WHR1: variants seen among roughly 807,000 people sequenced by gnomAD.
WHR1 encodes the protein MHC class III HLA-RP1.
the WHR1 span, among the ~76,000 whole-genome samples, chr6:31,977,453 C>T: frequency 2.6e-5 from 4 of 151,154 alleles, no homozygotes; most frequent in African/African-American, 9.7e-5. Context: ...CCCATTCTCC[C>T]GCCTCAGCCT....
At chr6:31,973,852 C>T in the WHR1 span, among the ~76,000 whole-genome samples, 3,110 of 152,156 alleles carry the variant, frequency 0.02, 91 homozygotes, top group East Asian at 0.11. Context: ...TCTCTTGGGG[C>T]GGGATTTGGG....
At chr6:31,971,370 C>A in the WHR1 span, 1 of 1,569,112 alleles carries the variant, frequency 6.4e-7, no homozygotes, top group South Asian at 1.2e-5. The surrounding 1 kb of genome is among the most constrained non-coding windows in gnomAD (Gnocchi z 4.5). Context: ...GGTGGTCCAG[C>A]CTTTCCTGGA....
At chr6:31,976,091 C>G in the WHR1 span, among the ~76,000 whole-genome samples, 7 of 143,008 alleles carry the variant, frequency 4.9e-5, no homozygotes, top group East Asian at 1.5e-3. Context: ...GGGGGGCTGA[C>G]CCCCCACCTC....
the WHR1 span, chr6:31,979,107 C>A: frequency 1.7e-6 from 2 of 1,154,538 alleles, no homozygotes; most frequent in Non-Finnish European, 2.5e-6. Flanking sequence ...CCTGCCCCCA[C>A]ATCCCATGGA....
the WHR1 span, among the ~76,000 whole-genome samples, chr6:31,977,847 G>T: frequency 6.6e-6 from 1 of 151,928 alleles, no homozygotes; most frequent in East Asian, 2.0e-4. Context: ...AGGCTGGAGC[G>T]CAGTGGCATG....
the WHR1 span, among the ~76,000 whole-genome samples, chr6:31,977,073 T>A: frequency 1.3e-5 from 2 of 152,250 alleles, no homozygotes; most frequent in East Asian, 3.8e-4. Flanking sequence ...TTGGGGTTTG[T>A]TTTTATTCTC....
At chr6:31,979,033 A>G in the WHR1 span, 1 of 1,596,946 alleles carries the variant, frequency 6.3e-7, no homozygotes, top group Non-Finnish European at 8.6e-7. Context: ...TGCTGGGGGG[A>G]GGGCACAGGT....
At chr6:31,980,694 C>T in the WHR1 span, 1 of 1,607,464 alleles carries the variant, frequency 6.2e-7, no homozygotes, top group Non-Finnish European at 8.5e-7. Flanking sequence ...AGGCAAAGTA[C>T]CGGGAACTGC....
At chr6:31,976,192 C>T in the WHR1 span, among the ~76,000 whole-genome samples, 5 of 150,544 alleles carry the variant, frequency 3.3e-5, no homozygotes, top group East Asian at 9.9e-4. Flanking sequence ...GGGCTCCTCA[C>T]TTCCCAGTAG....
At chr6:31,975,455 C>T in the WHR1 span, among the ~76,000 whole-genome samples, 3,759 of 152,110 alleles carry the variant, frequency 0.025, 68 homozygotes, top group South Asian at 0.058. Context: ...CCCTCCTCGG[C>T]CTCCCAAAGT....
At chr6:31,980,650 C>G in the WHR1 span, 1 of 1,586,244 alleles carries the variant, frequency 6.3e-7, no homozygotes, top group Non-Finnish European at 8.6e-7. Flanking sequence ...CACTTCTCCT[C>G]TAGGGCGCCA....
At chr6:31,979,315 G>C in the WHR1 span, 1 of 1,526,572 alleles carries the variant, frequency 6.6e-7, no homozygotes, top group Non-Finnish European at 8.9e-7. Context: ...GGAAGGATCT[G>C]AGCAAGAGGT....
At chr6:31,972,356 T>G in the WHR1 span, 3 of 1,613,112 alleles carry the variant, frequency 1.9e-6, no homozygotes. This position sits in a 1 kb window ranked among gnomAD's most constrained non-coding sequence, Gnocchi z 6.3. Context: ...GACCCTATTT[T>G]CAGGTTCTCT....
the WHR1 span, chr6:31,972,499 C>CG: frequency 1.4e-5 from 23 of 1,608,432 alleles, no homozygotes; most frequent in Admixed American, 8.3e-5. This position sits in a 1 kb window ranked among gnomAD's most constrained non-coding sequence, Gnocchi z 6.3. Context: ...GGATCCTCTT[C>CG]GGGGTGAGCC....
At chr6:31,979,693 T>A in the WHR1 span, 1 of 1,155,218 alleles carries the variant, frequency 8.7e-7, no homozygotes, top group Non-Finnish European at 1.2e-6. Context: ...GTTAATAAAA[T>A]GACCCAAGTT....
At chr6:31,977,338 ATTTT>A in the WHR1 span, among the ~76,000 whole-genome samples, 47 of 127,416 alleles carry the variant, frequency 3.7e-4, no homozygotes, top group South Asian at 7.5e-4. Flanking sequence ...CGCCCAGCTA[ATTTT>A]TTTTTTTTTT....
At chr6:31,972,265 G>A in the WHR1 span, 55 of 1,613,002 alleles carry the variant, frequency 3.4e-5, no homozygotes, top group Non-Finnish European at 4.6e-5. The surrounding 1 kb of genome is among the most constrained non-coding windows in gnomAD (Gnocchi z 6.3). Flanking sequence ...CCTGAGGGAC[G>A]ACAAGTTGAC....
At chr6:31,977,083 C>T in the WHR1 span, among the ~76,000 whole-genome samples, 1 of 152,192 alleles carries the variant, frequency 6.6e-6, no homozygotes, top group Non-Finnish European at 1.5e-5. Context: ...TTTTTATTCT[C>T]TCTTTGAGTT....
At chr6:31,972,612 T>G in the WHR1 span, 1 of 1,602,434 alleles carries the variant, frequency 6.2e-7, no homozygotes. This position sits in a 1 kb window ranked among gnomAD's most constrained non-coding sequence, Gnocchi z 6.3. Flanking sequence ...AGCCGATTTA[T>G]CTGCCCAGGG....
Sources: gnomAD v4.1 joint callset for allele counts (sites outside exome capture counted in the v4.1 genomes callset) on GRCh38, gnomAD v4.1.1 for gene constraint, Gnocchi (gnomAD v3.1) non-coding constraint, MANE v1.5 for transcripts, NCBI Gene and HGNC (gene_info 2026-07-23, HGNC 2026-07-21) for gene names.